Variants in GRIA1 observed in about 807,000 individuals in gnomAD.
The protein encoded by GRIA1 is glutamate receptor 1.
GRIA1 carries 31 observed loss-of-function variants against 99.2 expected under a neutral mutation model. The ratio of observed to expected loss-of-function variants is 0.31; its 90% confidence interval spans 0.23 to 0.42. The LOEUF (loss-of-function observed/expected upper bound fraction) is 0.42. Ranked by LOEUF, GRIA1 falls within the 10% of genes least tolerant of loss-of-function variation. GRIA1 has a pLI of 1.00. For missense variants in GRIA1, 782 were observed against 1,157.5 expected (o/e 0.68, Z 4.71); for synonymous variants, 438 against 432.4 (o/e 1.01, Z -0.16).
intron 2 of GRIA1, among the ~76,000 whole-genome samples, chr5:153,504,645 G>A (rs977643078): frequency 6.6e-6 from 1 of 152,080 alleles, no homozygotes; most frequent in East Asian, 1.9e-4. Context: ...TGAAATTCAG[G>A]CTTCTGAGTT....
At chr5:153,572,489 A>C (rs1312407728) in intron 2 of GRIA1, among the ~76,000 whole-genome samples, 1 of 152,128 alleles carries the variant, frequency 6.6e-6, no homozygotes, top group African/African-American at 2.4e-5. Context: ...TGCTTTTTTG[A>C]GACAGATTCT....
At chr5:153,682,977 A>G (rs975284119) in intron 7 of GRIA1, among the ~76,000 whole-genome samples, 2 of 152,180 alleles carry the variant, frequency 1.3e-5, no homozygotes, top group Admixed American at 6.5e-5. Context: ...AGGAAGCCCA[A>G]GGTTAATTCT....
chr5:153,701,619 C>CAAAAAAAAAAAAAAA (rs70978504), intron 10 of GRIA1, among the ~76,000 whole-genome samples: 520 of 39,368 alleles, frequency 0.013, 123 homozygotes, highest in East Asian at 0.091. Flanking sequence ...AGACCCGTCT[C>CAAAAAAAAAAAAAAA]AAAAAAAAAA....
Position 153,675,949 on chromosome 5 carries a change from C to T in GRIA1, c.862-1045C>T, listed in dbSNP as rs889519189. On this transcript the variant is annotated intron_variant, in intron 6 of 15. Coordinates refer to ENST00000285900, the MANE Select transcript of GRIA1 (RefSeq NM_000827.4). ...TCGGCTCACTGCAAGCTCCACCTCC[C>T]GAGTTCACGCCATTCTCCTGCCTCA... 7.2e-5 allele frequency among the ~76,000 whole-genome samples: 11 copies of T among 151,934 alleles called. 1 individual carries two copies. The highest frequency in any genetic ancestry group is 2.1e-4 in the South Asian group (1 of 4,816).
At chr5:153,514,356 T>G (rs1756404609) in intron 2 of GRIA1, among the ~76,000 whole-genome samples, 2 of 152,224 alleles carry the variant, frequency 1.3e-5, no homozygotes, top group Non-Finnish European at 2.9e-5. Context: ...CATTTTGAGT[T>G]GATTCTTGTG....
intron 13 of GRIA1, among the ~76,000 whole-genome samples, chr5:153,772,854 G>A (rs1194696057): frequency 6.6e-6 from 1 of 152,164 alleles, no homozygotes; most frequent in African/African-American, 2.4e-5. Flanking sequence ...TTTACTGAAG[G>A]TTTCGTGAGT....
intron 2 of GRIA1, among the ~76,000 whole-genome samples, chr5:153,571,250 A>C (rs1581247249): frequency 6.6e-6 from 1 of 152,170 alleles, no homozygotes; most frequent in African/African-American, 2.4e-5. Context: ...CCCAGTTGAG[A>C]GTCACTAATT....
chr5:153,681,287 G>A lies in GRIA1; in HGVS notation c.1029+4126G>A, dbSNP rs546970198. Among the ~76,000 whole-genome samples the A allele has an allele frequency of 5.3e-5, 8 of 152,182 alleles. No homozygotes were observed. In the South Asian group the frequency reaches 6.2e-4, roughly 12 times the overall value. On this transcript the variant is annotated intron_variant, in intron 7 of 15. Transcript: ENST00000285900. Reference sequence around the variant, plus strand: ...GCGCCAAGCCATTCAGGAAAGTTCCGCCGCCATGATGCAAAAACCTCCCAC... The same window carrying A: ...GCGCCAAGCCATTCAGGAAAGTTCCACCGCCATGATGCAAAAACCTCCCAC...
chr5:153,493,076 G>A (rs1754076472), intron 1 of GRIA1, among the ~76,000 whole-genome samples: 1 of 152,208 alleles, frequency 6.6e-6, no homozygotes, highest in African/African-American at 2.4e-5. Flanking sequence ...CATGTTGACA[G>A]TAAATACAAA....
At chr5:153,747,252 T>C (rs1281442693) in intron 11 of GRIA1, among the ~76,000 whole-genome samples, 7 of 152,016 alleles carry the variant, frequency 4.6e-5, no homozygotes, top group Non-Finnish European at 1.0e-4. Context: ...TGTCACATGG[T>C]AAGAGAGGGG....
chr5:153,747,255 G>A (rs928730484), intron 11 of GRIA1, among the ~76,000 whole-genome samples: 1 of 152,166 alleles, frequency 6.6e-6, no homozygotes, highest in Non-Finnish European at 1.5e-5. Flanking sequence ...CACATGGTAA[G>A]AGAGGGGGCA....
At chr5:153,687,363 T>C (rs1284315784) in intron 8 of GRIA1, among the ~76,000 whole-genome samples, 5 of 152,238 alleles carry the variant, frequency 3.3e-5, no homozygotes, top group African/African-American at 1.2e-4. Context: ...TCCTTAATTC[T>C]CTTATCTAGT....
intron 2 of GRIA1, among the ~76,000 whole-genome samples, chr5:153,555,682 G>A (rs775892236): frequency 1.3e-5 from 2 of 152,172 alleles, no homozygotes; most frequent in Non-Finnish European, 1.5e-5. Context: ...TGCATACAGA[G>A]ACTGATCTAG....
chr5:153,624,167 A>G (rs1767345636), intron 2 of GRIA1, among the ~76,000 whole-genome samples: 1 of 152,206 alleles, frequency 6.6e-6, no homozygotes, highest in Non-Finnish European at 1.5e-5. Flanking sequence ...ATGTTTTTAA[A>G]TAACTCAGTT....
rs1057140687 is a variant in GRIA1 at position 153,513,579 on chromosome 5, G to A, written c.220+19514G>A. Among the ~76,000 whole-genome samples, 4 of 152,104 alleles carry A rather than the reference G, an allele frequency of 2.6e-5. No homozygotes were observed. In the South Asian group the frequency reaches 6.2e-4, roughly 24 times the overall value. ...AGAAAAAAATGGAAATAGGAGAATC[G>A]GGCTTAAACCTCAGTTTTGTCGCTG... On this transcript the variant is annotated intron_variant, in intron 2 of 15. Transcript: ENST00000285900.
intron 11 of GRIA1, among the ~76,000 whole-genome samples, chr5:153,719,658 T>C (rs1229525678): frequency 6.6e-6 from 1 of 151,956 alleles, no homozygotes; most frequent in African/African-American, 2.4e-5. Context: ...AATGACATAG[T>C]GTGACTTCTG....
intron 1 of GRIA1, chr5:153,491,382 T>A (rs1215002006): frequency 1.3e-6 from 1 of 784,426 alleles, no homozygotes; most frequent in Non-Finnish European, 1.6e-6. Flanking sequence ...ATATATTACA[T>A]ATGCACATAT....
At chr5:153,651,867 G>A (rs1420241832) in intron 4 of GRIA1, among the ~76,000 whole-genome samples, 1 of 152,150 alleles carries the variant, frequency 6.6e-6, no homozygotes. Flanking sequence ...ATAGTTAAGA[G>A]CAGAGATAAA....
At chr5:153,525,412 AT>A (rs1757501500) in intron 2 of GRIA1, 1 of 152,192 alleles carries the variant, frequency 6.6e-6, no homozygotes, top group Admixed American at 6.5e-5. Flanking sequence ...AAGAAACCTC[AT>A]TCTATTTTTT....
Sources: gnomAD v4.1 joint callset for allele counts (sites outside exome capture counted in the v4.1 genomes callset) on GRCh38, gnomAD v4.1.1 for gene constraint, MANE v1.5 for transcripts, NCBI Gene and HGNC (gene_info 2026-07-23, HGNC 2026-07-21) for gene names.